Variants in CSMD3 observed in about 807,000 individuals in gnomAD.
CSMD3 encodes the protein CUB and Sushi multiple domains 3, also known as CUB and sushi domain-containing protein 3.
CSMD3 carries 177 observed loss-of-function variants against 435.2 expected under a neutral mutation model. The ratio of observed to expected loss-of-function variants is 0.41; its 90% CI spans 0.36 to 0.46. The LOEUF is 0.46. CSMD3 is among the 20% of genes least tolerant of loss of function. The pLI is 0.34. For missense variants in CSMD3, 4,265 were observed against 4,504.6 expected (o/e 0.95, Z 1.52); for synonymous variants, 1,656 against 1,520.5 (o/e 1.09, Z -2.07).
chr8:112,333,949 G>A (rs533412690), intron 45 of CSMD3, among the ~76,000 whole-genome samples: 10 of 152,156 alleles, frequency 6.6e-5, no homozygotes, highest in African/African-American at 1.9e-4. Flanking sequence ...ATTAGTTCCC[G>A]AATTATGATT....
intron 36 of CSMD3, among the ~76,000 whole-genome samples, chr8:112,390,446 G>T (rs767889549): frequency 6.6e-6 from 1 of 152,112 alleles, no homozygotes; most frequent in African/African-American, 2.4e-5. Context: ...CATGTTATAT[G>T]GGGTTAACAC....
intron 31 of CSMD3, among the ~76,000 whole-genome samples, chr8:112,486,008 C>T (rs552706473): frequency 6.9e-6 from 1 of 145,018 alleles, no homozygotes; most frequent in South Asian, 2.2e-4. Flanking sequence ...TTGAAAAGAA[C>T]AGAGCTAGCG....
At chr8:113,097,071 G>T (rs1300810901) in intron 5 of CSMD3, among the ~76,000 whole-genome samples, 1 of 151,950 alleles carries the variant, frequency 6.6e-6, no homozygotes, top group Non-Finnish European at 1.5e-5. Flanking sequence ...CTAGATCTCA[G>T]GTTCTCACCT....
At chr8:112,977,710 A>C (rs1217130040) in intron 6 of CSMD3, among the ~76,000 whole-genome samples, 1 of 152,130 alleles carries the variant, frequency 6.6e-6, no homozygotes, top group Non-Finnish European at 1.5e-5. Flanking sequence ...TAAATGAGGT[A>C]TGACGATTAT....
intron 13 of CSMD3, among the ~76,000 whole-genome samples, chr8:112,751,628 G>GT (rs1268656186): frequency 5.1e-3 from 680 of 133,632 alleles, no homozygotes; most frequent in Non-Finnish European, 7.0e-3. Flanking sequence ...AGAAGTTTAG[G>GT]TTTTTTTTTT....
chr8:112,292,759 A>G (rs1326745934), intron 54 of CSMD3, 49 bp from the exon 55 acceptor site: 1 of 1,516,128 alleles, frequency 6.6e-7, no homozygotes, highest in Non-Finnish European at 9.2e-7. Context: ...GAAAAAAAAT[A>G]TTTAGTTATC....
intron 29 of CSMD3, among the ~76,000 whole-genome samples, chr8:112,506,248 T>C (rs1822503897): frequency 6.6e-6 from 1 of 152,104 alleles, no homozygotes; most frequent in Non-Finnish European, 1.5e-5. Flanking sequence ...CGTTAGAAAA[T>C]ATTGTATATT....
At chr8:112,526,276 C>T (rs1349500837) in intron 27 of CSMD3, among the ~76,000 whole-genome samples, 1 of 151,838 alleles carries the variant, frequency 6.6e-6, no homozygotes, top group African/African-American at 2.4e-5. Context: ...AGTTTATTTG[C>T]AAAATAGTAC....
intron 1 of CSMD3, among the ~76,000 whole-genome samples, chr8:113,420,934 A>T (rs113405274): frequency 1.4e-5 from 2 of 145,090 alleles, no homozygotes; most frequent in East Asian, 2.0e-4. Context: ...GATTCCGTTT[A>T]AAAAAAAAAA....
At chr8:113,218,176 T>G (rs1490636120) in intron 3 of CSMD3, among the ~76,000 whole-genome samples, 1 of 150,474 alleles carries the variant, frequency 6.6e-6, no homozygotes, top group Non-Finnish European at 1.5e-5. Flanking sequence ...GAATTTTTTT[T>G]TTTGTTTTTT....
intron 60 of CSMD3, among the ~76,000 whole-genome samples, chr8:112,265,205 T>A (rs1816823268): frequency 6.6e-6 from 1 of 151,944 alleles, no homozygotes; most frequent in Non-Finnish European, 1.5e-5. Context: ...TTACTCACAA[T>A]AAGATATAAT....
rs72687681 is a variant in CSMD3 at position 113,236,667 on chromosome 8, C to T, written c.514+41925G>A. On this transcript the variant is annotated intron_variant, in intron 3 of 70. Coordinates refer to ENST00000297405, the MANE Select transcript of CSMD3 (RefSeq NM_198123.2). The stretch of plus-strand genomic sequence containing the variant: ...TCTGGCCTCAGACTGAGAATTACAT[C>T]ATTGGCTTCCCTGGTTCTGAGACTT... 2.6e-5 allele frequency among the ~76,000 whole-genome samples: 4 copies of T among 152,046 alleles called. No homozygotes were observed. The South Asian group carries it at 8.3e-4, about 32-fold the overall frequency.
chr8:112,354,733 T>G (rs1043885872), intron 38 of CSMD3, among the ~76,000 whole-genome samples: 1 of 152,204 alleles, frequency 6.6e-6, no homozygotes, highest in East Asian at 1.9e-4. Context: ...TCCATGCTCA[T>G]GAATTGGAAG....
intron 32 of CSMD3, among the ~76,000 whole-genome samples, chr8:112,425,467 TGAG>T (rs2130335704): frequency 6.6e-6 from 1 of 152,290 alleles, no homozygotes; most frequent in South Asian, 2.1e-4. Flanking sequence ...CACTTATCTG[TGAG>T]GAGTTTAATC....
intron 24 of CSMD3, among the ~76,000 whole-genome samples, 164 bp downstream of exon 24, chr8:112,573,337 T>C (rs1010052086): frequency 2.6e-5 from 4 of 152,120 alleles, no homozygotes; most frequent in Admixed American, 2.0e-4. Context: ...AAAATACCTG[T>C]AACTTACCGG....
At chr8:113,183,716 T>C (rs2092457252) in intron 3 of CSMD3, among the ~76,000 whole-genome samples, 1 of 152,038 alleles carries the variant, frequency 6.6e-6, no homozygotes, top group African/African-American at 2.4e-5. Context: ...ATATATAATG[T>C]CTTACTTGTT....
chr8:112,768,235 T>C (rs1456924798), intron 13 of CSMD3, among the ~76,000 whole-genome samples: 1 of 151,702 alleles, frequency 6.6e-6, no homozygotes, highest in East Asian at 1.9e-4. Flanking sequence ...TTAATAAAGA[T>C]TTAATAAATA....
intron 12 of CSMD3, among the ~76,000 whole-genome samples, chr8:112,801,883 G>C (rs1221349737): frequency 6.6e-6 from 1 of 151,934 alleles, no homozygotes; most frequent in Non-Finnish European, 1.5e-5. Context: ...AGAATACTAA[G>C]AGTTGTTTTT....
intron 2 of CSMD3, among the ~76,000 whole-genome samples, chr8:113,307,050 T>C (rs748644028): frequency 3.3e-5 from 5 of 152,002 alleles, no homozygotes; most frequent in Non-Finnish European, 5.9e-5. Flanking sequence ...AATTTAGCCA[T>C]GGTAATGAAA....
Sources: allele counts gnomAD v4.1 joint callset (sites outside exome capture counted in the v4.1 genomes callset), GRCh38; gene constraint gnomAD v4.1.1; transcripts MANE v1.5; gene names NCBI Gene and HGNC (gene_info 2026-07-23, HGNC 2026-07-21).